ADRA1B: variants seen among roughly 807,000 people sequenced by gnomAD.
The protein encoded by ADRA1B is adrenoceptor alpha 1B.
ADRA1B carries 17 observed loss-of-function variants against 17.9 expected under a neutral mutation model. The observed-to-expected ratio is 0.95, with a 90% confidence interval of 0.65 to 1.42. ADRA1B has a LOEUF of 1.42. ADRA1B is among the 40% of genes most tolerant of loss of function. The pLI is 0.00. For synonymous variants in ADRA1B, 366 were observed against 327.6 expected (o/e 1.12, Z -1.27); for missense variants, 681 against 722.1 (o/e 0.94, Z 0.65).
chr5:159,881,313 C>G (rs866229653), intron 1 of ADRA1B, among the ~76,000 whole-genome samples: 4,280 of 149,730 alleles, frequency 0.029, 123 homozygotes, highest in East Asian at 0.044. Flanking sequence ...CTCTCTCTCT[C>G]TCTCTCTCTC....
chr5:159,884,084 T>C (rs191384617), intron 1 of ADRA1B, among the ~76,000 whole-genome samples: 138 of 152,340 alleles, frequency 9.1e-4, no homozygotes, highest in Non-Finnish European at 1.7e-3. Context: ...GCCTTTGTTA[T>C]GGCCTAAAGC....
intron 1 of ADRA1B, among the ~76,000 whole-genome samples, chr5:159,933,932 C>A (rs915011552): frequency 6.6e-6 from 1 of 152,226 alleles, no homozygotes; most frequent in Non-Finnish European, 1.5e-5. Flanking sequence ...CCTACCCCAC[C>A]GTGGGGGCCT....
chr5:159,964,170 A>G (rs558953166), intron 1 of ADRA1B, among the ~76,000 whole-genome samples: 1 of 152,254 alleles, frequency 6.6e-6, no homozygotes, highest in South Asian at 2.1e-4. Flanking sequence ...GCAAATATCT[A>G]TTTCAGCACC....
At chr5:159,918,615 G>C (rs72808194) in intron 1 of ADRA1B, among the ~76,000 whole-genome samples, 13,589 of 152,230 alleles carry the variant, frequency 0.089, 634 homozygotes, top group East Asian at 0.14. Flanking sequence ...AGCTGACAGA[G>C]ACCAAATCCT....
intron 1 of ADRA1B, among the ~76,000 whole-genome samples, chr5:159,959,317 A>G (rs572246502): frequency 1.3e-5 from 2 of 152,354 alleles, no homozygotes; most frequent in Admixed American, 1.3e-4. Context: ...AATACAGGCA[A>G]CAACCATTTA....
intron 1 of ADRA1B, among the ~76,000 whole-genome samples, chr5:159,878,663 A>G (rs755974996): frequency 6.6e-6 from 1 of 152,174 alleles, no homozygotes; most frequent in Non-Finnish European, 1.5e-5. Flanking sequence ...AAGCAAACTG[A>G]GGCTTGGAGA....
intron 1 of ADRA1B, among the ~76,000 whole-genome samples, chr5:159,932,316 CCAG>C (rs1754833144): frequency 6.6e-6 from 1 of 151,928 alleles, no homozygotes; most frequent in African/African-American, 2.4e-5. Flanking sequence ...ACCACCACAC[CCAG>C]CTAATTTGTA....
chr5:159,973,488 C>A (rs1755925815), downstream of ADRA1B, among the ~76,000 whole-genome samples: 1 of 152,172 alleles, frequency 6.6e-6, no homozygotes, highest in South Asian at 2.1e-4. Context: ...TGGTTCCCTT[C>A]CCCTCACCTT....
chr5:159,981,367 G>T, the ADRA1B span, among the ~76,000 whole-genome samples: 2 of 151,892 alleles, frequency 1.3e-5, no homozygotes, highest in South Asian at 2.1e-4. Context: ...CCTCCCGGGG[G>T]GTAAAATAGC....
intron 1 of ADRA1B, among the ~76,000 whole-genome samples, chr5:159,923,543 G>A (rs1170929093): frequency 6.6e-6 from 1 of 152,264 alleles, no homozygotes; most frequent in African/African-American, 2.4e-5. Context: ...TTGTTGAGAA[G>A]GGGAACAGAG....
At chr5:159,879,042 C>T (rs1248483861) in intron 1 of ADRA1B, among the ~76,000 whole-genome samples, 1 of 152,104 alleles carries the variant, frequency 6.6e-6, no homozygotes, top group Non-Finnish European at 1.5e-5. Context: ...TCTGCTACTG[C>T]ATATTCCTCA....
intron 1 of ADRA1B, among the ~76,000 whole-genome samples, chr5:159,945,964 G>A (rs1459051978): frequency 3.3e-5 from 5 of 152,248 alleles, no homozygotes; most frequent in Non-Finnish European, 7.4e-5. Context: ...AGCCAGGATG[G>A]TCTTGATCTT....
intron 1 of ADRA1B, among the ~76,000 whole-genome samples, chr5:159,954,608 G>GC (rs1247033411): frequency 6.6e-6 from 1 of 152,128 alleles, no homozygotes; most frequent in East Asian, 1.9e-4. Flanking sequence ...GGGAAATGGA[G>GC]CCCATGAGTC....
intron 1 of ADRA1B, among the ~76,000 whole-genome samples, chr5:159,902,062 G>C (rs1754105977): frequency 6.6e-6 from 1 of 152,212 alleles, no homozygotes; most frequent in Non-Finnish European, 1.5e-5. Context: ...GTTTGCTGCA[G>C]CATTATCCTC....
upstream of ADRA1B, among the ~76,000 whole-genome samples, chr5:159,912,333 A>C (rs535906772): frequency 1.3e-4 from 20 of 152,230 alleles, no homozygotes; most frequent in African/African-American, 4.6e-4. Flanking sequence ...TCATCACTTC[A>C]CTCTCCTGAC....
At chr5:159,959,315 C>A (rs1029997115) in intron 1 of ADRA1B, among the ~76,000 whole-genome samples, 4 of 152,150 alleles carry the variant, frequency 2.6e-5, no homozygotes, top group African/African-American at 9.7e-5. Context: ...CAAATACAGG[C>A]AACAACCATT....
intron 1 of ADRA1B, among the ~76,000 whole-genome samples, chr5:159,904,253 A>T (rs1038956820): frequency 1.3e-5 from 2 of 152,212 alleles, no homozygotes; most frequent in African/African-American, 4.8e-5. Context: ...ACCATGGTCA[A>T]GTAACTTGCC....
At chr5:159,954,108 T>C (rs1335916482) in intron 1 of ADRA1B, among the ~76,000 whole-genome samples, 1 of 152,060 alleles carries the variant, frequency 6.6e-6, no homozygotes, top group African/African-American at 2.4e-5. Context: ...GGAACAGAGA[T>C]GGGAATGGAC....
intron 1 of ADRA1B, among the ~76,000 whole-genome samples, chr5:159,896,247 C>T (rs987589778): frequency 2.0e-5 from 3 of 152,156 alleles, no homozygotes; most frequent in Non-Finnish European, 4.4e-5. Context: ...ATGGGACCTC[C>T]TTCTGTTAAA....
Sources: allele counts gnomAD v4.1 joint callset (sites outside exome capture counted in the v4.1 genomes callset), GRCh38; gene constraint gnomAD v4.1.1; transcripts MANE v1.5; gene names NCBI Gene and HGNC (gene_info 2026-07-23, HGNC 2026-07-21).